Variants in BABAM1 observed in about 807,000 individuals in gnomAD.
The protein encoded by BABAM1 is BRISC and BRCA1 A complex member 1, also known as BRISC and BRCA1-A complex member 1.
Under a neutral mutation model 34.4 loss-of-function variants are expected in BABAM1, and 14 were observed. The ratio of observed to expected loss-of-function variants is 0.41; its 90% CI spans 0.27 to 0.64. BABAM1 has a LOEUF of 0.64. BABAM1 is among the 30% of genes least tolerant of loss of function. The pLI, the probability that BABAM1 is intolerant of heterozygous loss-of-function variation, is 0.34. For synonymous variants in BABAM1, 169 were observed against 165.8 expected (o/e 1.02, Z -0.15); for missense variants, 393 against 434.0 (o/e 0.91, Z 0.84).
Position 17,269,097 on chromosome 19 carries a change from T to C in BABAM1, c.285+6T>C. ...TCAACTGTCCAGAGAAAGTGGTAAGTAGAGGGGGTGGCCTGGGGCTCTGAG... is the reference window on the plus strand; with the variant it reads ...TCAACTGTCCAGAGAAAGTGGTAAGCAGAGGGGGTGGCCTGGGGCTCTGAG... On this transcript the variant is annotated splice_donor_region_variant and intron_variant, in intron 2 of 8. Transcript: ENST00000598188. 4 of 1,592,354 alleles carry C rather than the reference T, an allele frequency of 2.5e-6. No homozygotes were observed. The highest frequency in any genetic ancestry group is 3.4e-6 in the Non-Finnish European group (4 of 1,167,726).
In BABAM1 at chr19:17,277,170, T is replaced by G. The variant is rs1040874164; in HGVS notation, c.786+261T>G. 133 of 375,486 alleles carry G rather than the reference T, an allele frequency of 3.5e-4. 1 individual carries two copies. The highest frequency in any genetic ancestry group is 2.6e-3 in the East Asian group (58 of 22,660). 23.3% of individuals were successfully genotyped at this position (375,486 alleles called of 1,614,324 possible). Reference sequence around the variant, plus strand: ...CCAACGTTCCCTGCGTTCCTTTCTTTCTTGCTTGCTTGCTTGCTTTTCTTT... The same window carrying G: ...CCAACGTTCCCTGCGTTCCTTTCTTGCTTGCTTGCTTGCTTGCTTTTCTTT... On this transcript the variant is annotated intron_variant, in intron 8 of 8. Coordinates refer to ENST00000598188, the MANE Select transcript of BABAM1 (RefSeq NM_014173.4).
At chr19:17,275,059 C>G (rs2145621365) in intron 5 of BABAM1, among the ~76,000 whole-genome samples, 1 of 151,078 alleles carries the variant, frequency 6.6e-6, no homozygotes, top group East Asian at 2.0e-4. Context: ...GTGTGCACCA[C>G]CACACCTGGC....
intron 6 of BABAM1, 120 bp from the exon 7 acceptor site, chr19:17,276,375 A>G (rs146056542): frequency 1.1e-5 from 16 of 1,474,056 alleles, no homozygotes; most frequent in Non-Finnish European, 1.5e-5. Context: ...GCAGCAGTGA[A>G]CTTGGGAGAC....
chr19:17,269,898 T>C (rs2073818558), intron 2 of BABAM1, among the ~76,000 whole-genome samples: 2 of 151,396 alleles, frequency 1.3e-5, no homozygotes, highest in South Asian at 4.2e-4. Flanking sequence ...TAATTTTTTG[T>C]ATTTTTAGTA....
chr19:17,275,639 A>G (rs2073899286), intron 5 of BABAM1, 162 bp from the exon 6 acceptor site: 2 of 808,382 alleles, frequency 2.5e-6, no homozygotes, highest in Middle Eastern at 3.6e-4. Context: ...TTTGTGATCC[A>G]TGCTGAGGGG....
chr19:17,270,586 C>T (rs1169592709), intron 2 of BABAM1, among the ~76,000 whole-genome samples: 26 of 139,110 alleles, frequency 1.9e-4, no homozygotes, highest in Admixed American at 1.4e-3. Context: ...TGTGCAGTGG[C>T]GTGATCTCAG....
rs375877054 is a variant in BABAM1, at chr19:17,268,785, T to C, written c.-13-9T>C. The C allele has an allele frequency of 2.5e-5, 39 of 1,577,490 alleles. No individual in the cohort carries two copies. In the African/African-American group the frequency reaches 5.0e-4, roughly 20 times the overall value. On this transcript the variant is annotated splice_polypyrimidine_tract_variant and intron_variant, in intron 1 of 8. Coordinates refer to ENST00000598188, the MANE Select transcript of BABAM1 (RefSeq NM_014173.4). The stretch of plus-strand genomic sequence containing the variant: ...GGATTCTGGCTTCCCCTGTCCGTGT[T>C]CCATCTAGCCACACAGGAGCCATGG...
At chr19:17,278,716 A>C in intron 8 of BABAM1, 129 bp from the exon 9 acceptor site, 1 of 836,940 alleles carries the variant, frequency 1.2e-6, no homozygotes, top group Non-Finnish European at 1.9e-6. Flanking sequence ...CTGCTTGGCA[A>C]ACTCCTCTTC....
chr19:17,278,303 C>T (rs1442028983), intron 8 of BABAM1, among the ~76,000 whole-genome samples: 3 of 151,554 alleles, frequency 2.0e-5, no homozygotes, highest in Admixed American at 6.6e-5. Flanking sequence ...TGTGCCTCCA[C>T]ACTGGGGACT....
chr19:17,273,045 G>C (rs2073861328), intron 3 of BABAM1, among the ~76,000 whole-genome samples: 1 of 152,120 alleles, frequency 6.6e-6, no homozygotes, highest in Non-Finnish European at 1.5e-5. Flanking sequence ...AATAAAAAAA[G>C]AGTAGCAAGG....
chr19:17,269,133 A>C (rs963706293), intron 2 of BABAM1, 42 bp downstream of exon 2: 6 of 1,510,888 alleles, frequency 4.0e-6, no homozygotes, highest in African/African-American at 1.4e-5. Context: ...ATGCTAGGGA[A>C]CCTAGCATCT....
chr19:17,279,097 A>G lies in BABAM1; in HGVS notation c.*49A>G, dbSNP rs372008158. ...TCTTGTGCAAGGAAGTCCTTGGCCT[A>G]AAGCCTTGGTTCTCAAACTGGGTTC... is the stretch of plus-strand genomic sequence containing the variant. On this transcript the variant is annotated 3_prime_UTR_variant, in exon 9 of 9. Transcript: ENST00000598188. 2.1e-4 allele frequency: 325 copies of G among 1,555,688 alleles called. No homozygotes were observed. The highest frequency in any genetic ancestry group is 2.7e-4 in the Non-Finnish European group (314 of 1,146,068).
chr19:17,275,298 A>AT (rs35552009), intron 5 of BABAM1, among the ~76,000 whole-genome samples: 47,796 of 150,158 alleles, frequency 0.32, 8,886 homozygotes, highest in Non-Finnish European at 0.42. Flanking sequence ...TTATTATTAT[A>AT]TTTTTTTTTG....
At position 17,279,158 on chromosome 19, in the gene BABAM1, A is replaced by C; in HGVS notation, c.*110A>C. On this transcript the variant is annotated 3_prime_UTR_variant, in exon 9 of 9. Transcript: ENST00000598188. ...CCGGGGTGGGGGGGTTCCAGGAGGCACGTAGGGTACCTTGCAGGGTCCTAG... is the reference window on the plus strand; with the variant it reads ...CCGGGGTGGGGGGGTTCCAGGAGGCCCGTAGGGTACCTTGCAGGGTCCTAG... 8.6e-7 allele frequency: 1 copy of C among 1,161,714 alleles called. No individual in the cohort carries two copies. Among genetic ancestry groups the C allele is most frequent in the South Asian group, 1.5e-5 (1 of 66,508 alleles). 72.0% of individuals were successfully genotyped at this position (1,161,714 alleles called of 1,614,324 possible).
At chr19:17,268,698 G>A in intron 1 of BABAM1, 96 bp from the exon 2 acceptor site, 1 of 1,344,344 alleles carries the variant, frequency 7.4e-7, no homozygotes, top group South Asian at 1.5e-5. Context: ...CAAAGTGCTG[G>A]GATTACAGGC....
chr19:17,276,933 G>A (rs2073916446), intron 8 of BABAM1, 24 bp downstream of exon 8: 4 of 1,566,956 alleles, frequency 2.6e-6, no homozygotes, highest in Admixed American at 1.9e-5. Flanking sequence ...GCAGGTGTGA[G>A]TAGCAGGCGG....
chr19:17,275,708 G>T, intron 5 of BABAM1, 93 bp from the exon 6 acceptor site: 1 of 1,534,900 alleles, frequency 6.5e-7, no homozygotes, highest in Non-Finnish European at 9.0e-7. Context: ...CGTCCCTAGG[G>T]GTGCCGGGTC....
intron 2 of BABAM1, among the ~76,000 whole-genome samples, chr19:17,270,601 C>T (rs1397109966): frequency 2.0e-5 from 3 of 149,972 alleles, no homozygotes; most frequent in Non-Finnish European, 4.4e-5. Context: ...TCTCAGCTCA[C>T]TGCAACCTCC....
At chr19:17,275,670 C>A in intron 5 of BABAM1, 131 bp from the exon 6 acceptor site, 2 of 1,111,460 alleles carry the variant, frequency 1.8e-6, no homozygotes, top group Non-Finnish European at 2.7e-6. Flanking sequence ...TCAGAGAGGG[C>A]AAGTGACTTG....
Sources: allele counts gnomAD v4.1 joint callset (sites outside exome capture counted in the v4.1 genomes callset), GRCh38; gene constraint gnomAD v4.1.1; transcripts MANE v1.5; gene names NCBI Gene and HGNC (gene_info 2026-07-23, HGNC 2026-07-21).